The following TTN variants were observed in gnomAD, a reference collection of about 807,000 sequenced individuals.
TTN encodes the protein connectin.
In TTN, 1,525 loss-of-function variants were observed where a neutral mutation model predicts 3,223.0. That is an observed-to-expected ratio of 0.47 (90% CI 0.45 to 0.49). The LOEUF is 0.49. Among genes scored for constraint, TTN ranks in the 20% least tolerant of loss-of-function variants. The pLI is 0.00. For synonymous variants in TTN, 14,094 were observed against 15,161.0 expected, an observed-to-expected ratio of 0.93 and a Z score of 5.17; for missense variants, 40,786 against 43,424.0, an observed-to-expected ratio of 0.94 and a Z score of 5.40.
rs1433903188 is a variant in TTN, at chr2:178,764,586, G to C, written c.9929C>G (p.Thr3310Ser). ...EAFPEDAAVY[T>S]CEAKNDYGVA... ...ACCATAGTCATTCTTGGCTTCACAG[G>C]TATAGACTGCCGCATCCTCTGGGAA... The change falls in exon 42 of 363, where the codon ACC (threonine) becomes AGC (serine). Residue 3310 changes from threonine (T) to serine (S), a missense_variant. Coordinates refer to ENST00000589042, the MANE Select transcript of TTN (RefSeq NM_001267550.2). 2 of 1,614,018 alleles carry C rather than the reference G, an allele frequency of 1.2e-6. No homozygotes were observed.
intron 8 of TTN, among the ~76,000 whole-genome samples, 171 bp from the exon 9 acceptor site, chr2:178,793,712 A>T (rs1033600402): frequency 3.4e-4 from 51 of 152,192 alleles, no homozygotes; most frequent in Non-Finnish European, 6.3e-4. Context: ...AGGCACAAGA[A>T]TCACTTAAAC....
chr2:178,694,512 G>T, intron 117 of TTN, 87 bp downstream of exon 117: 3 of 903,108 alleles, frequency 3.3e-6, no homozygotes, highest in Non-Finnish European at 4.9e-6. Flanking sequence ...TTTCAGATTT[G>T]TGAGTTACTT....
Position 178,568,842 on chromosome 2 carries a change from C to G in TTN, c.77290G>C (p.Gly25764Arg). Residue 25764 changes from glycine (G) to arginine (R), a missense_variant, in exon 326 of 363, where the codon GGG becomes CGG. Transcript: ENST00000589042. ...ACAACTCTAAAAAGATATTCTTCCC[C>G]TTGAGTTAGGTTGGTAATTACTGCC... The part of the protein sequence containing the change: ...LQAVITNLTQ[G>R]EEYLFRVVAV... 1 of 1,613,006 alleles carries G rather than the reference C, an allele frequency of 6.2e-7. No individual in the cohort carries two copies. The highest frequency in any genetic ancestry group is 2.2e-5 in the East Asian group (1 of 44,808).
At position 178,544,217 on chromosome 2, in the gene TTN, C is replaced by T. The variant is rs1354071349; in HGVS notation, c.96012G>A (p.Glu32004=). The change falls in exon 345 of 363, where the codon GAG becomes GAA. Residue 32004 remains glutamate (E), a synonymous_variant. Coordinates refer to ENST00000589042, the MANE Select transcript of TTN (RefSeq NM_001267550.2). ...GATAAATACCTATTCTTTCCACGGG[C>T]TCAATTTCAGCAATTGATTCGCTGT... is the stretch of plus-strand genomic sequence containing the variant. ...SEYSESIAEI[E]PVERIEIPDL... The T allele has an allele frequency of 1.2e-6, 2 of 1,613,098 alleles. No individual in the cohort carries two copies. Among genetic ancestry groups the T allele is most frequent in the Non-Finnish European group, 1.7e-6 (2 of 1,179,152 alleles).
chr2:178,533,406 C>T lies in TTN; in HGVS notation c.103209G>A (p.Leu34403=), dbSNP rs1430082978. 1.2e-6 allele frequency: 2 copies of T among 1,613,720 alleles called. No homozygotes were observed. The highest frequency in any genetic ancestry group is 2.7e-5 in the African/African-American group (2 of 74,930). The change falls in exon 358 of 363, where the codon CTG becomes CTA. Residue 34403 remains leucine, a synonymous_variant. Coordinates refer to ENST00000589042, the MANE Select transcript of TTN (RefSeq NM_001267550.2). ...TLKWEKDGQP[L]SLGPNIEIIH... is the part of the protein sequence containing the mutation. ...TAATTTCAATGTTAGGCCCGAGGGA[C>T]AGTGGCTGACCATCTTTCTCCCATT... is the stretch of plus-strand genomic sequence containing the variant.
chr2:178,688,087 C>T (rs2071360983), intron 127 of TTN, 24 bp downstream of exon 127: 1 of 1,598,754 alleles, frequency 6.3e-7, no homozygotes. Flanking sequence ...CCCAGATCAT[C>T]TCTAGCTTAT....
intron 236 of TTN, 128 bp from the exon 237 acceptor site, chr2:178,631,428 T>C: frequency 1.0e-6 from 1 of 1,001,546 alleles, no homozygotes; most frequent in South Asian, 1.8e-5. Flanking sequence ...TGTTCAATCA[T>C]TTAACCTGTT....
In TTN at chr2:178,713,848, G is replaced by C. The variant is rs367674101; in HGVS notation, c.26761+49C>G. 86 of 1,587,638 alleles carry C rather than the reference G, an allele frequency of 5.4e-5. 1 individual carries two copies. The Middle Eastern group carries it at 1.3e-3, about 25-fold the overall frequency. On this transcript the variant is annotated intron_variant, in intron 92 of 362. Coordinates refer to ENST00000589042, the MANE Select transcript of TTN (RefSeq NM_001267550.2). ...ACCCATATACATTTATGAAAATCAG[G>C]AACTACATTATTATAATGATGAAGG... is the stretch of plus-strand genomic sequence containing the variant.
At chr2:178,648,147 G>T (rs1325664661) in intron 213 of TTN, among the ~76,000 whole-genome samples, 2 of 152,064 alleles carry the variant, frequency 1.3e-5, no homozygotes, top group Admixed American at 1.3e-4. Context: ...CTATTAATAT[G>T]TAAGCCTGCT....
intron 127 of TTN, 106 bp from the exon 128 acceptor site, chr2:178,685,704 C>A: frequency 1.8e-6 from 2 of 1,106,588 alleles, no homozygotes; most frequent in Middle Eastern, 2.1e-4. Context: ...AAAAGTTTAA[C>A]CCTTGCCAAA....
At position 178,554,170 on chromosome 2, in the gene TTN, C is replaced by G. The variant is rs368425375; in HGVS notation, c.88941G>C (p.Lys29647Asn). Residue 29647 changes from lysine (K) to asparagine (N), a missense_variant, in exon 333 of 363, where the codon AAG becomes AAC. Coordinates refer to ENST00000589042, the MANE Select transcript of TTN (RefSeq NM_001267550.2). ...PGIPEVTKIT[K>N]NSMTVVWSRP... ...TGCTCCATACAACAGTCATCGAATT[C>G]TTGGTAATCTTTGTCACTTCTGGTA... 1.2e-6 allele frequency: 2 copies of G among 1,609,394 alleles called. No homozygotes were observed. Among genetic ancestry groups the G allele is most frequent in the African/African-American group, 2.7e-5 (2 of 74,584 alleles).
In TTN at chr2:178,574,781, G is replaced by A; in HGVS notation, c.71351C>T (p.Thr23784Ile). 6.2e-7 allele frequency: 1 copy of A among 1,612,188 alleles called. No homozygotes were observed. Among genetic ancestry groups the A allele is most frequent in the East Asian group, 2.2e-5 (1 of 44,714 alleles). Residue 23784 changes from threonine (T) to isoleucine (I), a missense_variant, in exon 326 of 363, where the codon ACT becomes ATT. Thr to Ile is a moderately conservative substitution (Grantham distance 89, BLOSUM62 -1). Transcript: ENST00000589042. ...WVELATTVIR[T>I]TYKATRLTTG... is the part of the protein sequence containing the mutation. ...AGTAAGGCGGGTGGCTTTATAGGTA[G>A]TACGTATAACGGTGGTTGCTAACTC...
At chr2:178,673,025 G>A (rs1382894533) in intron 152 of TTN, among the ~76,000 whole-genome samples, 1 of 151,560 alleles carries the variant, frequency 6.6e-6, no homozygotes, top group Non-Finnish European at 1.5e-5. Context: ...CCATTGTAGA[G>A]TATTTAAGCC....
chr2:178,653,063 T>A lies in TTN; in HGVS notation c.38853A>T (p.Lys12951Asn), dbSNP rs1271363047. The A allele has an allele frequency of 6.2e-6, 10 of 1,606,402 alleles. No homozygotes were observed. The African/African-American group carries it at 1.1e-4, about 18-fold the overall frequency. ...TACCTTTAACAGGTGGGACTTCAGG[T>A]TTTTTAGGAGGAGTCACTGGCACTT... ...EKKVPVTPPK[K>N]PEVPPVKVPE... Residue 12951 changes from lysine (K) to asparagine (N), a missense_variant, in exon 199 of 363, where the codon AAA becomes AAT. Transcript: ENST00000589042.
rs1464816261 is a variant in TTN, at chr2:178,532,110, T to A, written c.104505A>T (p.Arg34835Ser). ...ACAGGGAGCGCCGTCGTCTCAGTAG[T>A]CTAGACGCAGATGAGGATGATTCTC... is the stretch of plus-strand genomic sequence containing the variant. ...AQRESSSSASRLLRRRRSLSP... is the reference protein window; with the variant it reads ...AQRESSSSASSLLRRRRSLSP... The change falls in exon 358 of 363, where the codon AGA (arginine) becomes AGT (serine). Residue 34835 changes from arginine to serine, a missense_variant. Physicochemically the swap from Arg to Ser is moderately radical, Grantham distance 110 (BLOSUM62 -1). Transcript: ENST00000589042. 14 of 1,613,974 alleles carry A rather than the reference T, an allele frequency of 8.7e-6. No homozygotes were observed. The highest frequency in any genetic ancestry group is 1.2e-5 in the Non-Finnish European group (14 of 1,179,860).
Position 178,653,280 on chromosome 2 carries a change from G to A in TTN, c.38749C>T (p.Pro12917Ser), listed in dbSNP as rs774274447. 1.2e-5 allele frequency: 19 copies of A among 1,612,202 alleles called. No individual in the cohort carries two copies. Among genetic ancestry groups the A allele is most frequent in the Non-Finnish European group, 1.4e-5 (17 of 1,179,496 alleles). ...TCAGGCTTTTTAGGAGGAGCCAAGG[G>A]CACTTTCTTTTCAAGGACAACTTCT... ...PKEVVLEKKV[P>S]LAPPKKPEVP... Residue 12917 changes from proline (P) to serine (S), a missense_variant, in exon 198 of 363, where the codon CCC (proline) becomes TCC (serine). Coordinates refer to ENST00000589042, the MANE Select transcript of TTN (RefSeq NM_001267550.2).
rs780358198 is a variant in TTN at position 178,756,322 on chromosome 2, G to C, written c.11154C>G (p.Thr3718=). Residue 3718 remains threonine (T), a synonymous_variant, in exon 46 of 363, where the codon ACC becomes ACG. Coordinates refer to ENST00000589042, the MANE Select transcript of TTN (RefSeq NM_001267550.2). ...QSQNGNIQFL[T]ICNVQLVDQG... is the part of the protein sequence containing the mutation. ...GGTCTACCAGCTGAACATTACATATGGTAAGAAACTGAATATTTCCATTTT... is the reference window on the plus strand; with the variant it reads ...GGTCTACCAGCTGAACATTACATATCGTAAGAAACTGAATATTTCCATTTT... 1.2e-6 allele frequency: 2 copies of C among 1,613,822 alleles called. No individual in the cohort carries two copies. The highest frequency in any genetic ancestry group is 1.7e-6 in the Non-Finnish European group (2 of 1,179,788).
rs775693706 is a variant in TTN at position 178,652,324 on chromosome 2, C to A, written c.39151G>T (p.Val13051Phe). The part of the protein sequence containing the change: ...VKVPEAPKEV[V>F]PEKKVPVPPP... Reference sequence around the variant, plus strand: ...GGCACTGGCACTTTCTTTTCAGGAACAACTTCTTTGGGAGCCTCAGGCACT... The same window carrying A: ...GGCACTGGCACTTTCTTTTCAGGAAAAACTTCTTTGGGAGCCTCAGGCACT... The change falls in exon 203 of 363, where the codon GTT (valine) becomes TTT (phenylalanine). Residue 13051 changes from valine to phenylalanine, a missense_variant. Physicochemically the swap from Val to Phe is conservative, Grantham distance 50 (BLOSUM62 -1). Coordinates refer to ENST00000589042, the MANE Select transcript of TTN (RefSeq NM_001267550.2). 8 of 1,613,640 alleles carry A rather than the reference C, an allele frequency of 5.0e-6. No homozygotes were observed. The Admixed American group carries it at 8.3e-5, about 17-fold the overall frequency.
intron 6 of TTN, among the ~76,000 whole-genome samples, chr2:178,797,147 A>T (rs1280898022): frequency 6.6e-6 from 1 of 152,176 alleles, no homozygotes. Flanking sequence ...CTTGGGTTTT[A>T]AAATATAGTT....
Sources: gnomAD v4.1 joint callset for allele counts (sites outside exome capture counted in the v4.1 genomes callset) on GRCh38, gnomAD v4.1.1 for gene constraint, MANE v1.5 for transcripts, NCBI Gene and HGNC (gene_info 2026-07-23, HGNC 2026-07-21) for gene names.